JARID2: variants seen among roughly 807,000 people sequenced by gnomAD.
JARID2 encodes the protein jumonji and AT-rich interaction domain containing 2, also known as protein Jumonji.
Under a neutral mutation model 125.6 loss-of-function variants are expected in JARID2, and 21 were observed. That is an observed-to-expected ratio of 0.17 (90% confidence interval 0.12 to 0.24). JARID2 has a LOEUF of 0.24. Ranked by LOEUF, JARID2 falls within the 10% of genes least tolerant of loss-of-function variation. The pLI, the probability that JARID2 is intolerant of heterozygous loss-of-function variation, is 1.00. For missense variants in JARID2, 1,303 were observed against 1,639.6 expected, an observed-to-expected ratio of 0.79 and a Z score of 3.55; for synonymous variants, 736 against 661.6, an observed-to-expected ratio of 1.11 and a Z score of -1.73.
chr6:15,449,861 C>A (rs1452305320), intron 3 of JARID2, among the ~76,000 whole-genome samples: 1 of 152,020 alleles, frequency 6.6e-6, no homozygotes. Context: ...AGAGTAGACA[C>A]TGCTTAGGAC....
chr6:15,311,944 AT>A (rs975348289), intron 1 of JARID2, among the ~76,000 whole-genome samples: 2 of 152,144 alleles, frequency 1.3e-5, no homozygotes, highest in African/African-American at 4.8e-5. Context: ...CTTTTATTTA[AT>A]TTGGATGGCT....
Position 15,497,182 on chromosome 6 carries a change from C to CG in JARID2, c.1945+18dup, listed in dbSNP as rs949429120. 22 of 1,528,072 alleles carry CG rather than the reference C, an allele frequency of 1.4e-5. No individual in the cohort carries two copies. Among genetic ancestry groups the CG allele is most frequent in the African/African-American group, 5.5e-5 (4 of 72,898 alleles). 94.7% of individuals were successfully genotyped at this position (1,528,072 alleles called of 1,614,324 possible). A position where few individuals can be genotyped will look rare whatever the true frequency, so the allele number is the denominator to read the frequency against. On this transcript the variant is annotated intron_variant, in intron 7 of 17. Transcript: ENST00000341776. ...GCTCCCGCTCATAGGTAGGTCTGGG[C>CG]GGGGGGTCAGGGGGTGGTGCCTGCC... is the stretch of plus-strand genomic sequence containing the variant.
chr6:15,315,999 C>T (rs1344197897), intron 1 of JARID2, among the ~76,000 whole-genome samples: 4 of 151,724 alleles, frequency 2.6e-5, no homozygotes, highest in African/African-American at 7.3e-5. Flanking sequence ...ACAGTTTACA[C>T]GAGTCCTGCT....
At chr6:15,265,577 C>T (rs752388208) in intron 1 of JARID2, among the ~76,000 whole-genome samples, 1 of 152,094 alleles carries the variant, frequency 6.6e-6, no homozygotes, top group Non-Finnish European at 1.5e-5. Flanking sequence ...CATCTCTCCC[C>T]ATGGGTACAG....
intron 9 of JARID2, among the ~76,000 whole-genome samples, chr6:15,505,524 G>A (rs1770962376): frequency 6.6e-6 from 1 of 152,194 alleles, no homozygotes; most frequent in African/African-American, 2.4e-5. Context: ...TCCCTGGGTG[G>A]CGTTTGGTGC....
intron 5 of JARID2, among the ~76,000 whole-genome samples, chr6:15,469,352 TC>T (rs1768936267): frequency 2.0e-5 from 1 of 50,700 alleles, no homozygotes; most frequent in Non-Finnish European, 3.9e-5. Context: ...TCTCTCTCTC[TC>T]TCTCTCTCCT....
At chr6:15,460,548 TATAGCACTAAAGTCCC>T (rs1455137317) in intron 4 of JARID2, among the ~76,000 whole-genome samples, 1 of 152,220 alleles carries the variant, frequency 6.6e-6, no homozygotes, top group Admixed American at 6.5e-5. Context: ...GGGTTTCATT[TATAGCACTAAAGTCCC>T]TGGTGTCTGT....
chr6:15,391,204 C>T (rs1008473022), intron 2 of JARID2, among the ~76,000 whole-genome samples: 5 of 152,096 alleles, frequency 3.3e-5, no homozygotes, highest in Admixed American at 6.6e-5. Flanking sequence ...TAGGGCTTGG[C>T]GAGCTGAGAC....
intron 3 of JARID2, among the ~76,000 whole-genome samples, chr6:15,424,062 C>T (rs551116668): frequency 7.9e-5 from 12 of 152,154 alleles, no homozygotes; most frequent in African/African-American, 2.2e-4. Context: ...CATCTGAGCC[C>T]GCATTCCTAA....
At chr6:15,440,646 A>G (rs535852501) in intron 3 of JARID2, among the ~76,000 whole-genome samples, 12 of 152,196 alleles carry the variant, frequency 7.9e-5, no homozygotes, top group Admixed American at 4.6e-4. Context: ...TTAAATTTTT[A>G]TTCCACTAAT....
At chr6:15,395,467 G>A (rs9358060) in intron 2 of JARID2, among the ~76,000 whole-genome samples, 66,082 of 151,858 alleles carry the variant, frequency 0.44, 14,490 homozygotes, top group East Asian at 0.54. Context: ...GGATTTCATC[G>A]TGTTAGCCAG....
At chr6:15,385,835 C>G (rs1446252972) in intron 2 of JARID2, among the ~76,000 whole-genome samples, 1 of 152,134 alleles carries the variant, frequency 6.6e-6, no homozygotes, top group Non-Finnish European at 1.5e-5. Flanking sequence ...AATGCTCACA[C>G]CGTGACACCC....
intron 1 of JARID2, among the ~76,000 whole-genome samples, chr6:15,324,997 G>A (rs1762490600): frequency 6.6e-6 from 1 of 152,126 alleles, no homozygotes; most frequent in African/African-American, 2.4e-5. Context: ...CTTGCTGGAG[G>A]AGATGCTTTT....
chr6:15,246,639 A>G, intron 1 of JARID2, 55 bp downstream of exon 1: 2 of 1,401,610 alleles, frequency 1.4e-6, no homozygotes, highest in Non-Finnish European at 2.0e-6. Context: ...AATGGCTGTG[A>G]ATGTCAAGTT....
intron 1 of JARID2, among the ~76,000 whole-genome samples, chr6:15,326,124 A>G (rs1762525381): frequency 1.3e-5 from 2 of 152,200 alleles, no homozygotes; most frequent in South Asian, 2.1e-4. Flanking sequence ...TATGCAGTAC[A>G]CTTCTATGCA....
intron 1 of JARID2, among the ~76,000 whole-genome samples, chr6:15,291,297 G>A (rs557808039): frequency 1.3e-5 from 2 of 152,262 alleles, no homozygotes; most frequent in South Asian, 4.1e-4. Context: ...TGGTGAATGT[G>A]TTTATCATCT....
At chr6:15,492,750 G>A (rs541870689) in intron 6 of JARID2, among the ~76,000 whole-genome samples, 2 of 152,158 alleles carry the variant, frequency 1.3e-5, no homozygotes. Flanking sequence ...TCTGGGTTTC[G>A]AGGAGGAAGA....
intron 3 of JARID2, among the ~76,000 whole-genome samples, chr6:15,425,524 T>G (rs1053889065): frequency 6.6e-6 from 1 of 152,114 alleles, no homozygotes; most frequent in Non-Finnish European, 1.5e-5. Context: ...CCCTCTTGAG[T>G]GGATTAATAC....
intron 3 of JARID2, among the ~76,000 whole-genome samples, chr6:15,442,570 C>T (rs1034456809): frequency 6.6e-6 from 1 of 152,180 alleles, no homozygotes; most frequent in Non-Finnish European, 1.5e-5. Context: ...TGTGGCTCTT[C>T]CCTCCTGGGC....
Sources: allele counts gnomAD v4.1 joint callset (sites outside exome capture counted in the v4.1 genomes callset), GRCh38; gene constraint gnomAD v4.1.1; transcripts MANE v1.5; gene names NCBI Gene and HGNC (gene_info 2026-07-23, HGNC 2026-07-21).